The following SDK1 variants were observed in gnomAD, a reference collection of about 807,000 sequenced individuals.
The protein encoded by SDK1 is sidekick cell adhesion molecule 1, also known as protein sidekick-1.
SDK1 carries 157 observed loss-of-function variants against 245.5 expected under a neutral mutation model. That is an observed-to-expected ratio of 0.64 (90% CI 0.56 to 0.73). The LOEUF is 0.73. SDK1 is among the 30% of genes least tolerant of loss of function. The pLI is 0.00. For synonymous variants in SDK1, 1,647 were observed against 1,278.5 expected, an observed-to-expected ratio of 1.29 and a Z score of -6.15; for missense variants, 3,583 against 3,002.3, an observed-to-expected ratio of 1.19 and a Z score of -4.52.
At chr7:3,656,190 C>G (rs969011154) in intron 4 of SDK1, among the ~76,000 whole-genome samples, 59 of 152,228 alleles carry the variant, frequency 3.9e-4, no homozygotes, top group African/African-American at 1.4e-3. Flanking sequence ...AGATATGCCC[C>G]CTCCATCCTT....
At chr7:4,084,153 C>T (rs2128180726) in intron 22 of SDK1, among the ~76,000 whole-genome samples, 1 of 152,330 alleles carries the variant, frequency 6.6e-6, no homozygotes, top group Admixed American at 6.5e-5. Flanking sequence ...TAGTTACTCT[C>T]AAATGCAGGA....
intron 1 of SDK1, among the ~76,000 whole-genome samples, chr7:3,378,296 G>GT (rs1781402637): frequency 6.6e-6 from 1 of 152,088 alleles, no homozygotes; most frequent in South Asian, 2.1e-4. Flanking sequence ...GATGGCACTG[G>GT]TTTTTTGTCT....
At chr7:3,660,097 G>A (rs1783306717) in intron 4 of SDK1, among the ~76,000 whole-genome samples, 1 of 152,056 alleles carries the variant, frequency 6.6e-6, no homozygotes. Flanking sequence ...CAGAATATTG[G>A]GGACAATTTG....
rs563004681 is a variant in SDK1, at chr7:3,940,246, A to G, written c.848-10677A>G. ...AAACTGACCTACAGAACTGAACAGA[A>G]TAGTGATTCAAGTTGGATATTTAGA... On this transcript the variant is annotated intron_variant, in intron 5 of 44. Coordinates refer to ENST00000404826, the MANE Select transcript of SDK1 (RefSeq NM_152744.4). 2.0e-5 allele frequency among the ~76,000 whole-genome samples: 3 copies of G among 152,340 alleles called. No homozygotes were observed. The East Asian group carries it at 5.8e-4, about 29-fold the overall frequency.
At chr7:3,628,568 C>G (rs1183367912) in intron 2 of SDK1, among the ~76,000 whole-genome samples, 14 of 152,150 alleles carry the variant, frequency 9.2e-5, no homozygotes, top group Non-Finnish European at 5.9e-5. Context: ...ACAGATATCT[C>G]TGGCAACATT....
At chr7:3,663,998 G>A (rs534736645) in intron 4 of SDK1, among the ~76,000 whole-genome samples, 2 of 152,092 alleles carry the variant, frequency 1.3e-5, no homozygotes, top group South Asian at 2.1e-4. Context: ...AGATATTTCC[G>A]GGCCCCTAAC....
chr7:3,731,619 A>G (rs187837687), intron 4 of SDK1, among the ~76,000 whole-genome samples: 113 of 152,190 alleles, frequency 7.4e-4, no homozygotes, highest in African/African-American at 2.6e-3. Context: ...TAATTTTTCT[A>G]TCTCTTGGTC....
chr7:4,222,105 T>C (rs1190924452), intron 40 of SDK1, among the ~76,000 whole-genome samples: 5 of 152,118 alleles, frequency 3.3e-5, no homozygotes, highest in Admixed American at 2.0e-4. Flanking sequence ...AAGCAAACCA[T>C]CAAACCCCAC....
intron 4 of SDK1, among the ~76,000 whole-genome samples, chr7:3,753,630 C>A (rs895806936): frequency 9.2e-5 from 14 of 152,282 alleles, no homozygotes; most frequent in African/African-American, 3.4e-4. Context: ...AACCAAGCCA[C>A]GTTCTCCCGA....
intron 44 of SDK1, among the ~76,000 whole-genome samples, chr7:4,254,232 C>G (rs574599658): frequency 6.6e-6 from 1 of 151,488 alleles, no homozygotes; most frequent in African/African-American, 2.4e-5. Flanking sequence ...TCTCTTTCTC[C>G]TCTCATTCTG....
chr7:3,586,176 C>T (rs1259902390), intron 1 of SDK1, among the ~76,000 whole-genome samples: 1 of 151,574 alleles, frequency 6.6e-6, no homozygotes, highest in Non-Finnish European at 1.5e-5. Context: ...GTGTGCCACA[C>T]CCAGAGGTGC....
At chr7:3,485,470 T>C (rs1781656612) in intron 1 of SDK1, among the ~76,000 whole-genome samples, 1 of 152,078 alleles carries the variant, frequency 6.6e-6, no homozygotes, top group Non-Finnish European at 1.5e-5. Flanking sequence ...CAAGCATAGG[T>C]GTTTTCCCTC....
intron 4 of SDK1, among the ~76,000 whole-genome samples, chr7:3,724,884 T>A (rs1778965431): frequency 6.6e-6 from 1 of 152,230 alleles, no homozygotes. Context: ...CATGGCCATG[T>A]GGCCATGCCT....
chr7:3,925,803 C>T (rs1403155881), intron 5 of SDK1, among the ~76,000 whole-genome samples: 1 of 152,196 alleles, frequency 6.6e-6, no homozygotes, highest in Non-Finnish European at 1.5e-5. Context: ...AAGACACCCA[C>T]GCAGCCCTCC....
chr7:4,175,578 A>C (rs895279053), intron 33 of SDK1, among the ~76,000 whole-genome samples, 197 bp from the exon 34 acceptor site: 1 of 152,176 alleles, frequency 6.6e-6, no homozygotes, highest in Non-Finnish European at 1.5e-5. Flanking sequence ...GTTTACGAGG[A>C]GGTGCGGCAG....
At chr7:4,241,938 C>T (rs972212609) in intron 43 of SDK1, 25 bp downstream of exon 43, 9 of 1,608,996 alleles carry the variant, frequency 5.6e-6, no homozygotes, top group Middle Eastern at 3.3e-4. Flanking sequence ...CTGTGCTGCG[C>T]CCACCTGGGG....
At chr7:4,109,354 C>T (rs901319216) in intron 22 of SDK1, among the ~76,000 whole-genome samples, 4 of 152,202 alleles carry the variant, frequency 2.6e-5, no homozygotes, top group East Asian at 1.9e-4. Context: ...GCATCCGTGT[C>T]GCCAGTTTAC....
At chr7:4,051,008 GTATAC>G (rs1462435465) in intron 18 of SDK1, among the ~76,000 whole-genome samples, 1 of 139,630 alleles carries the variant, frequency 7.2e-6, no homozygotes, top group African/African-American at 2.7e-5. Context: ...GTTATATATA[GTATAC>G]TATATGTGTA....
chr7:3,914,771 T>C (rs1392182791), intron 5 of SDK1, among the ~76,000 whole-genome samples: 1 of 152,138 alleles, frequency 6.6e-6, no homozygotes, highest in Non-Finnish European at 1.5e-5. Context: ...AAAAGCTAAG[T>C]GGAATGTTGA....
Sources: allele counts gnomAD v4.1 joint callset (sites outside exome capture counted in the v4.1 genomes callset), GRCh38; gene constraint gnomAD v4.1.1; transcripts MANE v1.5; gene names NCBI Gene and HGNC (gene_info 2026-07-23, HGNC 2026-07-21).